Variants in DSCAML1 observed in about 807,000 individuals in gnomAD.
The protein encoded by DSCAML1 is DS cell adhesion molecule like 1, also known as cell adhesion molecule DSCAML1.
In DSCAML1, 38 loss-of-function variants were observed where a neutral mutation model predicts 200.5. The observed-to-expected ratio is 0.19, with a 90% CI of 0.15 to 0.25. The LOEUF (loss-of-function observed/expected upper bound fraction) is 0.25. Ranked by LOEUF, DSCAML1 falls within the 10% of genes least tolerant of loss-of-function variation. The pLI, the probability that DSCAML1 is intolerant of heterozygous loss-of-function variation, is 1.00. For synonymous variants in DSCAML1, 1,215 were observed against 1,165.0 expected (o/e 1.04, Z -0.87); for missense variants, 2,223 against 2,858.8 (o/e 0.78, Z 5.07).
chr11:117,506,547 CTTTTTTTTTTTTT>C (rs5795089), intron 8 of DSCAML1, among the ~76,000 whole-genome samples: 9 of 96,862 alleles, frequency 9.3e-5, no homozygotes, highest in Admixed American at 2.2e-4. Flanking sequence ...CAAGAGATAA[CTTTTTTTTTTTTT>C]TTTTTTTTTT....
intron 3 of DSCAML1, among the ~76,000 whole-genome samples, chr11:117,742,238 T>A (rs2054436577): frequency 6.6e-6 from 1 of 152,090 alleles, no homozygotes; most frequent in South Asian, 2.1e-4. Context: ...CCCATAGTGG[T>A]GAAATGACTT....
chr11:117,486,307 A>AT (rs1565731034), intron 11 of DSCAML1, among the ~76,000 whole-genome samples: 64 of 116,990 alleles, frequency 5.5e-4, no homozygotes, highest in Middle Eastern at 4.5e-3. Context: ...ATGTGAAAGT[A>AT]GTGGATGTGA....
chr11:117,627,114 C>CT (rs911780105), intron 3 of DSCAML1, among the ~76,000 whole-genome samples: 2 of 152,158 alleles, frequency 1.3e-5, no homozygotes, highest in African/African-American at 4.8e-5. Context: ...TTTTCTAACT[C>CT]TTTTTTAAGC....
intron 3 of DSCAML1, among the ~76,000 whole-genome samples, chr11:117,557,514 C>G (rs559173722): frequency 6.6e-6 from 1 of 152,330 alleles, no homozygotes; most frequent in East Asian, 1.9e-4. Context: ...CACTCGAGCC[C>G]CTCTTCCTGC....
At chr11:117,804,974 G>A (rs76251108) in intron 1 of DSCAML1, among the ~76,000 whole-genome samples, 19 of 152,214 alleles carry the variant, frequency 1.2e-4, no homozygotes, top group East Asian at 5.8e-4. Flanking sequence ...TCATGAATCC[G>A]GATGAGGTCT....
intron 14 of DSCAML1, among the ~76,000 whole-genome samples, chr11:117,478,557 G>T (rs2048843989): frequency 6.6e-6 from 1 of 152,140 alleles, no homozygotes; most frequent in African/African-American, 2.4e-5. Flanking sequence ...CACCATGTTT[G>T]CTCAAGTCTC....
rs116614825 is a variant in DSCAML1 at position 117,802,419 on chromosome 11, A to G, written c.-250+14971T>C. ...CTGGGCTCCGACCCTTTCGATTTGTACCTGCAGGCCCTAGCCTGGTGCCTC... is the reference window on the plus strand; with the variant it reads ...CTGGGCTCCGACCCTTTCGATTTGTGCCTGCAGGCCCTAGCCTGGTGCCTC... On this transcript the variant is annotated intron_variant, in intron 1 of 2. Transcript: ENST00000525836. 4.9e-3 allele frequency among the ~76,000 whole-genome samples: 739 copies of G among 152,248 alleles called. 11 individuals carry two copies. The highest frequency in any genetic ancestry group is 0.016 in the African/African-American group (647 of 41,538).
Position 117,428,428 on chromosome 11 carries a change from C to T in DSCAML1, c.6062G>A (p.Gly2021Glu), listed in dbSNP as rs1327920172. ...PRAGGPHTKM[G>E]GSRDSLLEMS... ...CTCGAGAAGCGAGTCCCTGGAGCCC[C>T]CCATTTTGGTGTGTGGGCCCCCGGC... The change falls in exon 33 of 33, where the codon GGG becomes GAG. Residue 2021 changes from glycine to glutamate, a missense_variant. By Grantham distance (98) the Gly-to-Glu change is moderately conservative. Around this residue, in one of 7 missense-constraint regions of DSCAML1, gnomAD observed 280 missense variants for 213.4 expected, o/e 1.31. Transcript: ENST00000651296. 43 of 1,550,756 alleles carry T rather than the reference C, an allele frequency of 2.8e-5. No individual in the cohort carries two copies. The highest frequency in any genetic ancestry group is 3.3e-5 in the Non-Finnish European group (38 of 1,152,176).
chr11:117,625,458 G>T (rs764177803), intron 3 of DSCAML1, among the ~76,000 whole-genome samples: 10 of 152,202 alleles, frequency 6.6e-5, no homozygotes, highest in Non-Finnish European at 1.3e-4. Context: ...ACAGCCTGAC[G>T]CAGGGGAGAA....
At chr11:117,778,094 A>G (rs978723123) in intron 2 of DSCAML1, among the ~76,000 whole-genome samples, 1 of 152,188 alleles carries the variant, frequency 6.6e-6, no homozygotes, top group Non-Finnish European at 1.5e-5. Context: ...AGAGTCTCTT[A>G]ATTGACTGTG....
chr11:117,676,698 C>T (rs1402675781), intron 3 of DSCAML1, among the ~76,000 whole-genome samples: 2 of 152,216 alleles, frequency 1.3e-5, no homozygotes, highest in African/African-American at 4.8e-5. Flanking sequence ...GATGTCTCCC[C>T]CAGCAAGCAG....
intron 14 of DSCAML1, among the ~76,000 whole-genome samples, chr11:117,474,321 C>T (rs2048745186): frequency 6.6e-6 from 1 of 152,130 alleles, no homozygotes; most frequent in African/African-American, 2.4e-5. Flanking sequence ...CACTCTCTGG[C>T]CTTTTGCTTA....
intron 19 of DSCAML1, among the ~76,000 whole-genome samples, chr11:117,454,211 G>A (rs1376400706): frequency 2.0e-5 from 3 of 151,856 alleles, no homozygotes; most frequent in Non-Finnish European, 4.4e-5. Context: ...AGCATCACCC[G>A]GGAGCACGTT....
chr11:117,645,443 T>C (rs1565847768), intron 3 of DSCAML1, among the ~76,000 whole-genome samples: 1 of 152,156 alleles, frequency 6.6e-6, no homozygotes, highest in African/African-American at 2.4e-5. Context: ...GAGACATTTT[T>C]TCTTTATTAT....
intron 4 of DSCAML1, among the ~76,000 whole-genome samples, chr11:117,525,461 CT>C (rs979956454): frequency 2.6e-3 from 372 of 143,690 alleles, no homozygotes; most frequent in Admixed American, 2.6e-3. Context: ...TCCCTGGCTT[CT>C]TTTTTTTTTT....
At chr11:117,748,904 GC>G (rs558015734) in intron 3 of DSCAML1, among the ~76,000 whole-genome samples, 111 of 152,304 alleles carry the variant, frequency 7.3e-4, no homozygotes, top group Non-Finnish European at 1.0e-3. Context: ...CACTGCCCAG[GC>G]CCAGTTGTTG....
At position 117,593,781 on chromosome 11, in the gene DSCAML1, G is replaced by A. The variant is rs373275045; in HGVS notation, c.512-61259C>T. Reference sequence around the variant, plus strand: ...GGCTAGAGTGCAGTGGCGTGATCTCGGCTCACTGCAAGCTCTGCCTCCTGG... The same window carrying A: ...GGCTAGAGTGCAGTGGCGTGATCTCAGCTCACTGCAAGCTCTGCCTCCTGG... On this transcript the variant is annotated intron_variant, in intron 3 of 32. Transcript: ENST00000651296. 1.9e-3 allele frequency among the ~76,000 whole-genome samples: 277 copies of A among 149,212 alleles called. 7 individuals are homozygous for A. Among genetic ancestry groups the A allele is most frequent in the Admixed American group, 0.017 (253 of 14,740 alleles).
chr11:117,555,828 A>G (rs490111), intron 3 of DSCAML1, among the ~76,000 whole-genome samples: 29,841 of 151,472 alleles, frequency 0.2, 3,348 homozygotes, highest in South Asian at 0.42. Flanking sequence ...CAGCTTAACT[A>G]TGGTGATCAG....
In DSCAML1 at chr11:117,518,194, GCTGGGCTGGCTGGATTT is replaced by G. The variant is rs2049813373; in HGVS notation, c.1510+255_1510+271del. Among the ~76,000 whole-genome samples the G allele has an allele frequency of 6.6e-6, 1 of 152,092 alleles. No individual in the cohort carries two copies. The highest frequency in any genetic ancestry group is 6.5e-5 in the Admixed American group (1 of 15,272). The stretch of plus-strand genomic sequence containing the variant: ...AATGGGCTAGAGGGTAAGAGAAGGG[GCTGGGCTGGCTGGATTT>G]CTGGACAGGAGGAAGGAGGAGGGGG... On this transcript the variant is annotated intron_variant, in intron 7 of 32. Coordinates refer to ENST00000651296, the MANE Select transcript of DSCAML1 (RefSeq NM_020693.4). This position sits in a 1 kb window ranked among gnomAD's most constrained non-coding sequence, Gnocchi z 6.3.
Sources: gnomAD v4.1 joint callset for allele counts (sites outside exome capture counted in the v4.1 genomes callset) on GRCh38, gnomAD v4.1.1 for gene constraint, gnomAD v4.1.1 regional missense constraint, Gnocchi (gnomAD v3.1) non-coding constraint, MANE v1.5 for transcripts, NCBI Gene and HGNC (gene_info 2026-07-23, HGNC 2026-07-21) for gene names.